DNAH12: variants seen among roughly 807,000 people sequenced by gnomAD.
The protein encoded by DNAH12 is axonemal beta dynein heavy chain 12.
DNAH12 carries 285 observed loss-of-function variants against 371.5 expected under a neutral mutation model. The observed-to-expected ratio is 0.77, with a 90% CI of 0.70 to 0.85. The LOEUF (loss-of-function observed/expected upper bound fraction) is 0.85. DNAH12 is among the 40% of genes least tolerant of loss of function. The pLI is 0.00. For missense variants in DNAH12, 3,611 were observed against 3,689.4 expected (o/e 0.98, Z 0.55); for synonymous variants, 1,200 against 1,213.0 (o/e 0.99, Z 0.22).
intron 34 of DNAH12, among the ~76,000 whole-genome samples, chr3:57,427,343 C>A (rs1575587169): frequency 6.6e-6 from 1 of 151,988 alleles, no homozygotes; most frequent in African/African-American, 2.4e-5. Flanking sequence ...GGTGCTAAAT[C>A]CAAGTCCTTG....
chr3:57,399,514 T>C (rs996189092), intron 43 of DNAH12, among the ~76,000 whole-genome samples: 9 of 152,178 alleles, frequency 5.9e-5, no homozygotes, highest in Admixed American at 1.3e-4. Flanking sequence ...AGAGCAGGGA[T>C]AGCTATACTA....
At chr3:57,551,433 T>G in the DNAH12 span, among the ~76,000 whole-genome samples, 30 of 151,442 alleles carry the variant, frequency 2.0e-4, no homozygotes, top group South Asian at 1.7e-3. Context: ...GACCACGCCC[T>G]GCTAATTTTT....
At chr3:57,481,551 A>C (rs2066742503) in intron 13 of DNAH12, among the ~76,000 whole-genome samples, 1 of 152,180 alleles carries the variant, frequency 6.6e-6, no homozygotes, top group Non-Finnish European at 1.5e-5. Context: ...GACTTTCTTC[A>C]CAGAATTGGA....
chr3:57,323,259 G>T lies in DNAH12; in HGVS notation c.10131C>A (p.Ser3377Arg). The T allele has an allele frequency of 6.5e-7, 1 of 1,549,148 alleles. No homozygotes were observed. Among genetic ancestry groups the T allele is most frequent in the Non-Finnish European group, 8.7e-7 (1 of 1,146,096 alleles). The change falls in exon 64 of 74, where the codon AGC becomes AGA. Residue 3377 changes from serine (S) to arginine (R), a missense_variant and splice_region_variant. Physicochemically the swap from Ser to Arg is moderately radical, Grantham distance 110. This residue lies in a region of DNAH12 where 2,266 missense variants were observed against 2,236.9 expected (regional missense o/e 1.01). Coordinates refer to ENST00000495027, the MANE Select transcript of DNAH12 (RefSeq NM_001366028.2). ...ATTTATCATTTGCAAATTTCAGCAG[G>T]CCTATAAGAGGCACAAAAAAATGGT... ...VLSPGADPMASLLKFANDKSM... is the reference protein window; with the variant it reads ...VLSPGADPMARLLKFANDKSM...
At chr3:57,427,138 A>ATGTGATGTGTGTG (rs564544771) in intron 34 of DNAH12, among the ~76,000 whole-genome samples, 2,177 of 138,836 alleles carry the variant, frequency 0.016, 62 homozygotes, top group African/African-American at 0.057. Context: ...TAAGAAGCGA[A>ATGTGATGTGTGTG]TGTGTGTGTG....
chr3:57,417,539 C>T (rs1349101578), intron 37 of DNAH12, among the ~76,000 whole-genome samples: 1 of 152,142 alleles, frequency 6.6e-6, no homozygotes, highest in African/African-American at 2.4e-5. Context: ...TAAAAACATT[C>T]ATAGAATTCA....
intron 55 of DNAH12, among the ~76,000 whole-genome samples, chr3:57,369,217 A>AT (rs1297769167): frequency 2.1e-5 from 1 of 48,116 alleles, no homozygotes; most frequent in African/African-American, 4.7e-5. Flanking sequence ...TTGAAACTCC[A>AT]TTAAAAAAAA....
intron 65 of DNAH12, among the ~76,000 whole-genome samples, chr3:57,318,782 G>A (rs908557793): frequency 6.6e-6 from 1 of 151,420 alleles, no homozygotes; most frequent in Admixed American, 6.6e-5. Context: ...CTGTAGCTTT[G>A]TATTATATTT....
rs528140619 is a variant in DNAH12, at chr3:57,502,653, G to A, written c.1087-174C>T. Reference sequence around the variant, plus strand: ...CAACCTCCGCCTCCCAGGTTCAAGCGATTCTCCTGCCTCAGCCTCCTGAGT... The same window carrying A: ...CAACCTCCGCCTCCCAGGTTCAAGCAATTCTCCTGCCTCAGCCTCCTGAGT... On this transcript the variant is annotated intron_variant, in intron 9 of 73. Transcript: ENST00000495027. Among the ~76,000 whole-genome samples, 17 of 152,008 alleles carry A rather than the reference G, an allele frequency of 1.1e-4. No homozygotes were observed. The East Asian group carries it at 2.7e-3, about 24-fold the overall frequency.
chr3:57,326,821 T>C (rs370784809), intron 62 of DNAH12, among the ~76,000 whole-genome samples: 6 of 152,146 alleles, frequency 3.9e-5, no homozygotes, highest in South Asian at 2.1e-4. Context: ...ACCCATCTCA[T>C]GTGCAGAGAC....
chr3:57,324,292 A>G (rs754095065), intron 62 of DNAH12, among the ~76,000 whole-genome samples: 1 of 152,184 alleles, frequency 6.6e-6, no homozygotes, highest in Non-Finnish European at 1.5e-5. Flanking sequence ...CCTTTGTTAC[A>G]GCAGCTTCAT....
intron 38 of DNAH12, 26 bp from the exon 39 acceptor site, chr3:57,413,938 AT>A (rs1553683858): frequency 1.3e-6 from 2 of 1,537,218 alleles, no homozygotes; most frequent in Non-Finnish European, 1.8e-6. Context: ...AGAATGGTAT[AT>A]TTACCTATAA....
chr3:57,475,300 C>T (rs1039148198), intron 13 of DNAH12, among the ~76,000 whole-genome samples: 1 of 151,932 alleles, frequency 6.6e-6, no homozygotes, highest in Non-Finnish European at 1.5e-5. Flanking sequence ...ATTAAGGCAA[C>T]ATGGCAAGGC....
chr3:57,469,620 T>C (rs1372364052), intron 16 of DNAH12, among the ~76,000 whole-genome samples: 2 of 152,126 alleles, frequency 1.3e-5, no homozygotes, highest in Non-Finnish European at 2.9e-5. Flanking sequence ...AAAAATTTGG[T>C]ACATATACAC....
chr3:57,332,673 A>G (rs2062126964), intron 62 of DNAH12, among the ~76,000 whole-genome samples: 1 of 152,236 alleles, frequency 6.6e-6, no homozygotes, highest in African/African-American at 2.4e-5. Context: ...AGAACTGTCC[A>G]GGCAGAGTTC....
intron 43 of DNAH12, among the ~76,000 whole-genome samples, chr3:57,395,433 A>G (rs1311032049): frequency 6.6e-6 from 1 of 152,212 alleles, no homozygotes; most frequent in Non-Finnish European, 1.5e-5. Flanking sequence ...ATTTTAAATC[A>G]TTAAATATTA....
intron 11 of DNAH12, chr3:57,493,882 C>G (rs2067218680): frequency 6.6e-6 from 1 of 151,906 alleles, no homozygotes. Context: ...TAAGGCATGT[C>G]TAGGAAAAAC....
intron 25 of DNAH12, among the ~76,000 whole-genome samples, chr3:57,448,401 A>C (rs534706762): frequency 6.6e-5 from 10 of 152,082 alleles, no homozygotes; most frequent in Non-Finnish European, 1.3e-4. Flanking sequence ...GAGAAGCTGC[A>C]GACCTTCGCC....
At chr3:57,342,870 C>T (rs545595634) in intron 60 of DNAH12, among the ~76,000 whole-genome samples, 9 of 151,944 alleles carry the variant, frequency 5.9e-5, no homozygotes, top group African/African-American at 1.9e-4. Context: ...CCCAGGAGTG[C>T]GTGACTGGGC....
Sources: allele counts gnomAD v4.1 joint callset (sites outside exome capture counted in the v4.1 genomes callset), GRCh38; gene constraint gnomAD v4.1.1; regional missense constraint gnomAD v4.1.1; transcripts MANE v1.5; gene names NCBI Gene and HGNC (gene_info 2026-07-23, HGNC 2026-07-21).